PTPRT: variants seen among roughly 807,000 people sequenced by gnomAD.
The protein encoded by PTPRT is receptor-type tyrosine-protein phosphatase T.
Under a neutral mutation model 176.8 loss-of-function variants are expected in PTPRT, and 56 were observed. The ratio of observed to expected loss-of-function variants is 0.32; its 90% CI spans 0.26 to 0.40. The LOEUF (loss-of-function observed/expected upper bound fraction) is 0.40. PTPRT is among the 10% of genes least tolerant of loss of function. PTPRT has a pLI of 1.00. For synonymous variants in PTPRT, 783 were observed against 739.0 expected (o/e 1.06, Z -0.96); for missense variants, 1,540 against 1,908.2 (o/e 0.81, Z 3.60).
chr20:43,046,673 C>T (rs1986852913), intron 1 of PTPRT, among the ~76,000 whole-genome samples: 1 of 152,172 alleles, frequency 6.6e-6, no homozygotes, highest in Admixed American at 6.5e-5. Context: ...CAGGAATCTC[C>T]CTGGACCCAA....
chr20:42,486,646 C>T (rs777129280), intron 7 of PTPRT, among the ~76,000 whole-genome samples: 3 of 152,128 alleles, frequency 2.0e-5, no homozygotes, highest in African/African-American at 4.8e-5. Flanking sequence ...CAGCAACAGA[C>T]ATTTATTCTC....
intron 1 of PTPRT, among the ~76,000 whole-genome samples, chr20:42,940,994 A>G (rs1980508789): frequency 6.6e-6 from 1 of 151,890 alleles, no homozygotes; most frequent in African/African-American, 2.4e-5. Flanking sequence ...AGGCAGAAGA[A>G]TCGCTTGAAC....
chr20:42,745,981 C>A (rs76977996), intron 6 of PTPRT, among the ~76,000 whole-genome samples: 2,303 of 152,276 alleles, frequency 0.015, 145 homozygotes, highest in East Asian at 0.12. Context: ...GACTTTGCAG[C>A]TTGTTCCATA....
intron 2 of PTPRT, among the ~76,000 whole-genome samples, chr20:42,794,540 C>T (rs1300027980): frequency 6.6e-6 from 1 of 152,188 alleles, no homozygotes; most frequent in African/African-American, 2.4e-5. Context: ...TGTCCCAGAG[C>T]TCAAGAGCCT....
At chr20:42,203,776 T>C (rs908031076) in intron 15 of PTPRT, among the ~76,000 whole-genome samples, 84 of 152,300 alleles carry the variant, frequency 5.5e-4, no homozygotes, top group African/African-American at 2.0e-3. Context: ...ACAAAGACGA[T>C]GAACACCAAG....
chr20:42,943,542 G>A (rs193187042), intron 1 of PTPRT, among the ~76,000 whole-genome samples: 1 of 152,228 alleles, frequency 6.6e-6, no homozygotes, highest in East Asian at 1.9e-4. Flanking sequence ...CTACCCCCGA[G>A]TGGCTTCAGT....
At chr20:43,084,986 A>G (rs955242658) in intron 1 of PTPRT, among the ~76,000 whole-genome samples, 2 of 152,228 alleles carry the variant, frequency 1.3e-5, no homozygotes, top group African/African-American at 4.8e-5. Flanking sequence ...GTATAATCTA[A>G]CTTTAACTAC....
intron 11 of PTPRT, among the ~76,000 whole-genome samples, chr20:42,334,792 T>C (rs544245272): frequency 6.6e-6 from 1 of 152,370 alleles, no homozygotes; most frequent in Admixed American, 6.5e-5. Context: ...ATAGCATTTA[T>C]AAGAACTGAA....
intron 13 of PTPRT, among the ~76,000 whole-genome samples, chr20:42,258,468 T>C (rs1038643593): frequency 6.6e-6 from 1 of 152,216 alleles, no homozygotes; most frequent in Non-Finnish European, 1.5e-5. Flanking sequence ...TCGCTGGGCT[T>C]TCTATATAAT....
At chr20:42,367,774 G>A (rs1490411474) in intron 9 of PTPRT, among the ~76,000 whole-genome samples, 1 of 152,166 alleles carries the variant, frequency 6.6e-6, no homozygotes, top group Non-Finnish European at 1.5e-5. Flanking sequence ...GGAGAGGAGA[G>A]TGGGAGATGG....
At chr20:42,427,435 A>G (rs568668900) in intron 9 of PTPRT, among the ~76,000 whole-genome samples, 2 of 152,282 alleles carry the variant, frequency 1.3e-5, no homozygotes, top group African/African-American at 2.4e-5. Flanking sequence ...ATTGCTCACA[A>G]TTGAGGTTGG....
At chr20:42,334,266 C>G (rs546869297) in intron 11 of PTPRT, among the ~76,000 whole-genome samples, 1 of 152,222 alleles carries the variant, frequency 6.6e-6, no homozygotes, top group African/African-American at 2.4e-5. Context: ...ATCCCTGACC[C>G]CCACTCACTA....
chr20:43,008,751 A>G (rs1984981426), intron 1 of PTPRT, among the ~76,000 whole-genome samples: 1 of 152,164 alleles, frequency 6.6e-6, no homozygotes, highest in African/African-American at 2.4e-5. Context: ...AAGCCAATCT[A>G]TGGTATTTTT....
chr20:43,038,820 C>T (rs961363899), intron 1 of PTPRT, among the ~76,000 whole-genome samples: 9 of 151,978 alleles, frequency 5.9e-5, no homozygotes, highest in South Asian at 4.2e-4. Flanking sequence ...GAAAATATAA[C>T]GGAAACATTT....
At chr20:43,139,836 G>C (rs1482931515) in intron 1 of PTPRT, among the ~76,000 whole-genome samples, 1 of 152,178 alleles carries the variant, frequency 6.6e-6, no homozygotes, top group Non-Finnish European at 1.5e-5. Flanking sequence ...AGCAGCATCG[G>C]CATCTGGGCC....
chr20:42,332,051 A>G (rs2057972850), intron 11 of PTPRT, among the ~76,000 whole-genome samples: 1 of 152,124 alleles, frequency 6.6e-6, no homozygotes, highest in African/African-American at 2.4e-5. Context: ...TGCCAGTTTC[A>G]CTTAAGAAGG....
At chr20:42,764,424 T>C (rs2076955727) in intron 5 of PTPRT, among the ~76,000 whole-genome samples, 3 of 152,232 alleles carry the variant, frequency 2.0e-5, no homozygotes, top group African/African-American at 7.2e-5. Flanking sequence ...GAAATTAAAA[T>C]ATACTTAAGT....
intron 7 of PTPRT, among the ~76,000 whole-genome samples, chr20:42,676,723 A>C (rs919384632): frequency 6.6e-6 from 1 of 152,264 alleles, no homozygotes; most frequent in African/African-American, 2.4e-5. Flanking sequence ...AAGTACTTAC[A>C]GCAAAAGTTT....
downstream of PTPRT, among the ~76,000 whole-genome samples, chr20:42,068,562 T>C (rs1982178071): frequency 6.6e-6 from 1 of 152,222 alleles, no homozygotes; most frequent in African/African-American, 2.4e-5. Context: ...AAATGGACGA[T>C]TGACCAATTT....
Sources: allele counts gnomAD v4.1 joint callset (sites outside exome capture counted in the v4.1 genomes callset), GRCh38; gene constraint gnomAD v4.1.1; transcripts MANE v1.5; gene names NCBI Gene and HGNC (gene_info 2026-07-23, HGNC 2026-07-21).